AP1AR: variants seen among roughly 807,000 people sequenced by gnomAD.
AP1AR encodes adaptor related protein complex 1 associated regulatory protein, also known as AP-1 complex-associated regulatory protein.
In AP1AR, 29 loss-of-function variants were observed where a neutral mutation model predicts 46.3. The observed-to-expected ratio is 0.63, with a 90% CI of 0.47 to 0.85. The LOEUF (loss-of-function observed/expected upper bound fraction) is 0.85. Ranked by LOEUF, AP1AR falls within the 40% of genes least tolerant of loss-of-function variation. The pLI is 0.00. For synonymous variants in AP1AR, 122 were observed against 122.9 expected, an observed-to-expected ratio of 0.99 and a Z score of 0.05; for missense variants, 357 against 356.3, an observed-to-expected ratio of 1.00 and a Z score of -0.02.
chr4:112,263,698 A>G (rs1200858310), intron 6 of AP1AR, among the ~76,000 whole-genome samples: 1 of 152,176 alleles, frequency 6.6e-6, no homozygotes, highest in East Asian at 1.9e-4. Context: ...GCTGTAAGTA[A>G]CAGGCATTTA....
Position 112,271,358 on chromosome 4 carries a change from C to T in AP1AR, c.*2949C>T, listed in dbSNP as rs1268346403. Among the ~76,000 whole-genome samples the T allele has an allele frequency of 2.0e-5, 3 of 152,224 alleles. No homozygotes were observed. Among genetic ancestry groups the T allele is most frequent in the Non-Finnish European group, 2.9e-5 (2 of 68,040 alleles). On this transcript the variant is annotated 3_prime_UTR_variant, in exon 10 of 10. Transcript: ENST00000274000. ...CCTCACTCTCATTCAGGTGCAGATACCGACTATAAAAATGTTTAGCTATAG... is the reference window on the plus strand; with the variant it reads ...CCTCACTCTCATTCAGGTGCAGATATCGACTATAAAAATGTTTAGCTATAG...
At position 112,265,809 on chromosome 4, in the gene AP1AR, T is replaced by C; in HGVS notation, c.514+2T>C. 1 of 1,590,954 alleles carries C rather than the reference T, an allele frequency of 6.3e-7. No homozygotes were observed. The highest frequency in any genetic ancestry group is 1.1e-5 in the South Asian group (1 of 89,880). On this transcript the variant is annotated splice_donor_variant, in intron 8 of 9. Transcript: ENST00000274000. LOFTEE classifies it high-confidence loss of function. The stretch of plus-strand genomic sequence containing the variant: ...AGTATGAAGTTTTTCGAAGTAGTAG[T>C]AAGTTTTTTAAAGTATTTTCTGTAC...
At position 112,263,101 on chromosome 4, in the gene AP1AR, C is replaced by A. The variant is rs1345937469; in HGVS notation, c.381+15C>A. 1 of 1,597,054 alleles carries A rather than the reference C, an allele frequency of 6.3e-7. No individual in the cohort carries two copies. Among genetic ancestry groups the A allele is most frequent in the Admixed American group, 1.7e-5 (1 of 58,114 alleles). On this transcript the variant is annotated intron_variant, in intron 6 of 9. Transcript: ENST00000274000. The stretch of plus-strand genomic sequence containing the variant: ...AGCTCTTGGAGGTGAGGGGAAAAGA[C>A]CCCAGCATATATTAGGGTTGCTTTT...
At chr4:112,253,411 A>G in intron 2 of AP1AR, 155 bp downstream of exon 2, 1 of 622,722 alleles carries the variant, frequency 1.6e-6, no homozygotes. Flanking sequence ...GAGTTGGAGC[A>G]GTGAGGGAAG....
intron 1 of AP1AR, among the ~76,000 whole-genome samples, chr4:112,235,257 G>A (rs937690053): frequency 6.6e-6 from 1 of 152,094 alleles, no homozygotes. Context: ...TATAGACTTA[G>A]TTTTTTCTTT....
At chr4:112,237,723 T>C (rs1022738907) in intron 1 of AP1AR, among the ~76,000 whole-genome samples, 1 of 152,116 alleles carries the variant, frequency 6.6e-6, no homozygotes, top group South Asian at 2.1e-4. Flanking sequence ...CCTCCCAAAG[T>C]GTTGGAATTA....
Position 112,269,630 on chromosome 4 carries a change from C to T in AP1AR, c.*1221C>T, listed in dbSNP as rs1726866696. ...ATGTTCTTATAAATATAGGAAGGTC[C>T]AGATATAAATAGTAACCTAAAGTTC... On this transcript the variant is annotated 3_prime_UTR_variant, in exon 10 of 10. Coordinates refer to ENST00000274000, the MANE Select transcript of AP1AR (RefSeq NM_018569.6). The T allele has an allele frequency of 1.3e-5, 2 of 151,076 alleles. No homozygotes were observed. The highest frequency in any genetic ancestry group is 3.0e-5 in the Non-Finnish European group (2 of 67,688). The allele number at this position is 151,076 out of a possible 1,614,324, so 9.4% of individuals were successfully genotyped here. A position where few individuals can be genotyped will look rare whatever the true frequency, so the allele number is the denominator to read the frequency against.
chr4:112,254,824 C>A, intron 3 of AP1AR, 51 bp downstream of exon 3: 3 of 987,656 alleles, frequency 3.0e-6, no homozygotes, highest in South Asian at 4.1e-5. Context: ...TCTCATTAAT[C>A]GTCTCATTAG....
chr4:112,241,965 CATTT>C (rs1317450514), intron 1 of AP1AR, among the ~76,000 whole-genome samples: 1 of 152,000 alleles, frequency 6.6e-6, no homozygotes, highest in Non-Finnish European at 1.5e-5. Flanking sequence ...GATTCTTCAT[CATTT>C]ATTTATAGTG....
At chr4:112,240,742 C>A (rs1725457904) in intron 1 of AP1AR, among the ~76,000 whole-genome samples, 1 of 152,178 alleles carries the variant, frequency 6.6e-6, no homozygotes, top group African/African-American at 2.4e-5. Flanking sequence ...TCCCCTCTCA[C>A]AGCATAGTAG....
At chr4:112,243,573 G>GGA (rs879414072) in intron 1 of AP1AR, among the ~76,000 whole-genome samples, 5 of 152,186 alleles carry the variant, frequency 3.3e-5, no homozygotes, top group Non-Finnish European at 7.3e-5. Flanking sequence ...GGCACTTGCA[G>GGA]GAGCAGCTTC....
intron 4 of AP1AR, among the ~76,000 whole-genome samples, chr4:112,258,708 G>A (rs1191837376): frequency 3.9e-5 from 6 of 152,196 alleles, no homozygotes; most frequent in Admixed American, 2.0e-4. Flanking sequence ...AAGTATGTGA[G>A]GTGATGGAAG....
At chr4:112,243,186 T>C (rs1725582579) in intron 1 of AP1AR, among the ~76,000 whole-genome samples, 1 of 152,244 alleles carries the variant, frequency 6.6e-6, no homozygotes, top group Non-Finnish European at 1.5e-5. Context: ...TATGTGATAC[T>C]GCTCTATTGC....
rs1726523032 is a variant in AP1AR, at chr4:112,263,048, G to A, written c.343G>A (p.Glu115Lys). 32 of 1,613,888 alleles carry A rather than the reference G, an allele frequency of 2.0e-5. No homozygotes were observed. The highest frequency in any genetic ancestry group is 2.7e-5 in the Non-Finnish European group (32 of 1,179,860). The change falls in exon 6 of 10, where the codon GAA becomes AAA. Residue 115 changes from glutamate to lysine, a missense_variant. Glu to Lys is a moderately conservative substitution (Grantham distance 56). Around this residue, in one of 2 missense-constraint regions of AP1AR, gnomAD observed 269 missense variants for 223.6 expected, o/e 1.20. Transcript: ENST00000274000. ...AGAAGCTTTATACGCTGCACAGCGT[G>A]AAGCAGCCAGGGCAGCAAAGCAGCG... ...EEEALYAAQREAARAAKQRKL... is the reference protein window; with the variant it reads ...EEEALYAAQRKAARAAKQRKL...
intron 1 of AP1AR, among the ~76,000 whole-genome samples, chr4:112,251,586 CAG>C (rs1196208217): frequency 5.9e-5 from 9 of 152,158 alleles, no homozygotes; most frequent in East Asian, 3.9e-4. Flanking sequence ...TAATCAGAGA[CAG>C]ATTCTCCATT....
In AP1AR at chr4:112,232,052, GGGA is replaced by G. The variant is rs774813966; in HGVS notation, c.-26_-24del. 4.9e-4 allele frequency: 653 copies of G among 1,339,704 alleles called. No homozygotes were observed. Among genetic ancestry groups the G allele is most frequent in the South Asian group, 2.5e-3 (129 of 52,148 alleles). The allele number at this position is 1,339,704 out of a possible 1,614,324, so 83.0% of individuals were successfully genotyped here. ...CCGGGCCTGGGTTTGGGCATTGAGC[GGGA>G]GGAGGAGGAGGAGCGGCGGCGCCTG... is the stretch of plus-strand genomic sequence containing the variant. On this transcript the variant is annotated 5_prime_UTR_variant, in exon 1 of 10. Transcript: ENST00000274000.
At chr4:112,236,844 CAG>C (rs1725262866) in intron 1 of AP1AR, among the ~76,000 whole-genome samples, 1 of 152,140 alleles carries the variant, frequency 6.6e-6, no homozygotes, top group South Asian at 2.1e-4. Flanking sequence ...CAAAAAATGT[CAG>C]GATACAAATC....
chr4:112,231,823 A>G lies in AP1AR; in HGVS notation c.-269A>G, dbSNP rs999349298. ...GCTAGGAGCTGAGGCGAGAAGGGCCATGCGGACGGCGAGGGAGTCCAGAGC... is the reference window on the plus strand; with the variant it reads ...GCTAGGAGCTGAGGCGAGAAGGGCCGTGCGGACGGCGAGGGAGTCCAGAGC... On this transcript the variant is annotated 5_prime_UTR_variant, in exon 1 of 10. An upstream start codon of the reference 5' UTR is lost. Coordinates refer to ENST00000274000, the MANE Select transcript of AP1AR (RefSeq NM_018569.6). The G allele has an allele frequency of 1.7e-5, 6 of 349,442 alleles. No homozygotes were observed. The highest frequency in any genetic ancestry group is 6.3e-5 in the African/African-American group (3 of 47,340). The allele number at this position is 349,442 out of a possible 1,614,324, so 21.6% of individuals were successfully genotyped here.
In AP1AR at chr4:112,272,183, A is replaced by AGTT. The variant is rs1265533325; in HGVS notation, c.*3775_*3777dup. Among the ~76,000 whole-genome samples, 1 of 152,102 alleles carries AGTT rather than the reference A, an allele frequency of 6.6e-6. No homozygotes were observed. Among genetic ancestry groups the AGTT allele is most frequent in the African/African-American group, 2.4e-5 (1 of 41,390 alleles). On this transcript the variant is annotated 3_prime_UTR_variant, in exon 10 of 10. Coordinates refer to ENST00000274000, the MANE Select transcript of AP1AR (RefSeq NM_018569.6). ...ATGGGGTAGCTGGAAGGGGATGTGG[A>AGTT]GTTATAGAAGGGTTTTTATTTAAAA...
Sources: allele counts gnomAD v4.1 joint callset (sites outside exome capture counted in the v4.1 genomes callset), GRCh38; gene constraint gnomAD v4.1.1; regional missense constraint gnomAD v4.1.1; transcripts MANE v1.5; gene names NCBI Gene and HGNC (gene_info 2026-07-23, HGNC 2026-07-21).